The following ANTXR2 variants were observed in gnomAD, a reference collection of about 807,000 sequenced individuals.
ANTXR2 encodes the protein anthrax toxin receptor 2.
A neutral mutation model predicts 73.7 loss-of-function variants in ANTXR2; 44 were observed. The observed-to-expected ratio is 0.60, with a 90% CI of 0.47 to 0.77. The LOEUF (loss-of-function observed/expected upper bound fraction) is 0.77. ANTXR2 is among the 30% of genes least tolerant of loss of function. The pLI, the probability that ANTXR2 is intolerant of heterozygous loss-of-function variation, is 0.00. For synonymous variants in ANTXR2, 217 were observed against 205.9 expected, an observed-to-expected ratio of 1.05 and a Z score of -0.46; for missense variants, 604 against 592.5, an observed-to-expected ratio of 1.02 and a Z score of -0.20.
intron 7 of ANTXR2, among the ~76,000 whole-genome samples, chr4:80,051,178 A>G (rs1033548263): frequency 1.3e-5 from 2 of 151,712 alleles, no homozygotes; most frequent in Non-Finnish European, 1.5e-5. Context: ...GTCACCTTAC[A>G]CTATAGGCAT....
chr4:80,003,447 A>T (rs1301110211), intron 12 of ANTXR2, among the ~76,000 whole-genome samples: 1 of 151,200 alleles, frequency 6.6e-6, no homozygotes, highest in African/African-American at 2.4e-5. Context: ...GCTTTAGGAG[A>T]TATACCTAAT....
chr4:79,901,516 T>C lies in ANTXR2; in HGVS notation c.*5913A>G, dbSNP rs576761044. On this transcript the variant is annotated 3_prime_UTR_variant, in exon 17 of 17. Transcript: ENST00000403729. ...CATAGTCTACACCCTAGAACAACCA[T>C]ACCCAATATTTTTGGCACCACGGAC... 1.0e-4 allele frequency: 14 copies of C among 139,456 alleles called. No homozygotes were observed. The highest frequency in any genetic ancestry group is 3.5e-4 in the African/African-American group (13 of 36,828). The allele number at this position is 139,456 out of a possible 1,614,324, so 8.6% of individuals were successfully genotyped here.
intron 12 of ANTXR2, among the ~76,000 whole-genome samples, chr4:79,994,375 T>C (rs1275185977): frequency 6.6e-6 from 1 of 152,040 alleles, no homozygotes; most frequent in Non-Finnish European, 1.5e-5. Context: ...CTTCCACTCT[T>C]AGTTTTGTGA....
intron 16 of ANTXR2, among the ~76,000 whole-genome samples, chr4:79,962,687 A>G (rs1358983498): frequency 6.6e-6 from 1 of 152,216 alleles, no homozygotes; most frequent in African/African-American, 2.4e-5. Flanking sequence ...CATTTTATAC[A>G]TGATAGGACT....
intron 7 of ANTXR2, among the ~76,000 whole-genome samples, chr4:80,049,203 T>C (rs998195504): frequency 6.6e-6 from 1 of 151,728 alleles, no homozygotes; most frequent in African/African-American, 2.4e-5. Flanking sequence ...GCACAGAACA[T>C]TTTGATTTTT....
chr4:80,059,322 A>G (rs1164903425), intron 3 of ANTXR2, among the ~76,000 whole-genome samples: 7 of 58,252 alleles, frequency 1.2e-4, no homozygotes, highest in Non-Finnish European at 4.0e-4. Flanking sequence ...CACAAACACC[A>G]TATATATATA....
chr4:79,979,266 A>G (rs1040429206), intron 14 of ANTXR2, among the ~76,000 whole-genome samples: 1 of 152,208 alleles, frequency 6.6e-6, no homozygotes, highest in Non-Finnish European at 1.5e-5. Flanking sequence ...TTGTCCAACC[A>G]GGAGTAGTGG....
chr4:80,038,652 A>G (rs2110089895), intron 7 of ANTXR2, among the ~76,000 whole-genome samples: 1 of 152,198 alleles, frequency 6.6e-6, no homozygotes, highest in Non-Finnish European at 1.5e-5. Flanking sequence ...ATACATTTAC[A>G]TTAATTCAAT....
At chr4:79,944,962 A>G (rs1369254040) in intron 16 of ANTXR2, among the ~76,000 whole-genome samples, 1 of 152,192 alleles carries the variant, frequency 6.6e-6, no homozygotes, top group Non-Finnish European at 1.5e-5. Context: ...AATCAAGCAT[A>G]AATGCATTTG....
At chr4:79,998,122 G>A (rs1730817966) in intron 12 of ANTXR2, among the ~76,000 whole-genome samples, 1 of 151,962 alleles carries the variant, frequency 6.6e-6, no homozygotes. Flanking sequence ...GAACAGCACA[G>A]CTGTTGCTGG....
intron 16 of ANTXR2, among the ~76,000 whole-genome samples, chr4:79,947,656 C>T (rs552225978): frequency 3.3e-5 from 5 of 152,230 alleles, no homozygotes; most frequent in Admixed American, 2.0e-4. Context: ...ATACATCTCT[C>T]TTGCCTTTCC....
intron 7 of ANTXR2, among the ~76,000 whole-genome samples, chr4:80,045,540 G>T (rs1166314235): frequency 6.7e-6 from 1 of 148,740 alleles, no homozygotes; most frequent in African/African-American, 2.5e-5. Context: ...CAGCATGTCA[G>T]AAAATATTGG....
At chr4:79,956,739 A>G (rs1382040746) in intron 16 of ANTXR2, among the ~76,000 whole-genome samples, 1 of 152,048 alleles carries the variant, frequency 6.6e-6, no homozygotes, top group Non-Finnish European at 1.5e-5. Context: ...ACCTCCCATT[A>G]GACACAAACA....
At chr4:79,984,758 G>T in intron 13 of ANTXR2, 61 bp downstream of exon 13, 2 of 1,389,082 alleles carry the variant, frequency 1.4e-6, no homozygotes, top group African/African-American at 1.4e-5. Flanking sequence ...TTAAATTTGG[G>T]CATGGTATCT....
At chr4:79,994,992 G>A (rs1002986982) in intron 12 of ANTXR2, among the ~76,000 whole-genome samples, 12 of 151,868 alleles carry the variant, frequency 7.9e-5, no homozygotes, top group Non-Finnish European at 1.6e-4. Context: ...TGATGATCCT[G>A]ATGCTTCCCC....
chr4:80,067,013 G>A (rs917278697), intron 3 of ANTXR2, among the ~76,000 whole-genome samples: 8 of 152,202 alleles, frequency 5.3e-5, no homozygotes, highest in South Asian at 4.1e-4. Context: ...AGACCATCCC[G>A]GCTAACACGG....
rs142417077 is a variant in ANTXR2, at chr4:79,991,498, G to A, written c.1042-6635C>T. 4.4e-3 allele frequency among the ~76,000 whole-genome samples: 677 copies of A among 152,194 alleles called. 6 individuals carry two copies. Among genetic ancestry groups the A allele is most frequent in the African/African-American group, 0.015 (631 of 41,540 alleles). On this transcript the variant is annotated intron_variant, in intron 12 of 16. Coordinates refer to ENST00000403729, the MANE Select transcript of ANTXR2 (RefSeq NM_058172.6). ...AGAGAAAGGAGAATGTTTATACACT[G>A]CTAGTGAGAATATAAATTAGTTCAG...
At chr4:80,061,503 T>C (rs1734254468) in intron 3 of ANTXR2, among the ~76,000 whole-genome samples, 1 of 152,084 alleles carries the variant, frequency 6.6e-6, no homozygotes, top group Non-Finnish European at 1.5e-5. Flanking sequence ...TAAACAGTAA[T>C]TCCAAAACAA....
rs1362630308 is a variant in ANTXR2, at chr4:79,906,746, G to T, written c.*683C>A. 1 of 152,642 alleles carries T rather than the reference G, an allele frequency of 6.6e-6. No homozygotes were observed. Among genetic ancestry groups the T allele is most frequent in the African/African-American group, 2.4e-5 (1 of 41,442 alleles). 9.5% of individuals were successfully genotyped at this position (152,642 alleles called of 1,614,324 possible). A position where few individuals can be genotyped will look rare whatever the true frequency, so the allele number is the denominator to read the frequency against. ...CCCGAGTGCATAATGAAAGAAAGGTGTCTTCGAAAACTAAAGGGCAAAATC... is the reference window on the plus strand; with the variant it reads ...CCCGAGTGCATAATGAAAGAAAGGTTTCTTCGAAAACTAAAGGGCAAAATC... On this transcript the variant is annotated 3_prime_UTR_variant, in exon 17 of 17. Coordinates refer to ENST00000403729, the MANE Select transcript of ANTXR2 (RefSeq NM_058172.6).
Sources: allele counts gnomAD v4.1 joint callset (sites outside exome capture counted in the v4.1 genomes callset), GRCh38; gene constraint gnomAD v4.1.1; transcripts MANE v1.5; gene names NCBI Gene and HGNC (gene_info 2026-07-23, HGNC 2026-07-21).